DPP10: variants seen among roughly 807,000 people sequenced by gnomAD.
The protein encoded by DPP10 is dipeptidyl peptidase like 10.
DPP10 carries 33 observed loss-of-function variants against 120.9 expected under a neutral mutation model. The observed-to-expected ratio is 0.27, with a 90% CI of 0.21 to 0.37. The LOEUF (loss-of-function observed/expected upper bound fraction) is 0.37, where lower values mean the gene tolerates loss of function less well. DPP10 is among the 10% of genes least tolerant of loss of function. The probability of loss-of-function intolerance (pLI) is 1.00; values close to 1 mark genes in which losing one functional copy is unlikely to be tolerated. For synonymous variants in DPP10, 337 were observed against 326.1 expected, an observed-to-expected ratio of 1.03 and a Z score of -0.36; for missense variants, 816 against 942.8, an observed-to-expected ratio of 0.87 and a Z score of 1.76.
chr2:115,762,065 C>T lies in DPP10; in HGVS notation c.1075-507C>T, dbSNP rs368332688. ...GTTTTGAAGGGACACATAATTTTGT[C>T]ATTTCAAATGTTTGATATTTTTTCT... On this transcript the variant is annotated intron_variant, in intron 11 of 25. Transcript: ENST00000410059. Among the ~76,000 whole-genome samples the T allele has an allele frequency of 2.1e-4, 32 of 152,172 alleles. No homozygotes were observed. In the South Asian group the frequency reaches 6.6e-3, roughly 32 times the overall value.
intron 1 of DPP10, among the ~76,000 whole-genome samples, chr2:115,063,614 A>C (rs780711343): frequency 1.3e-5 from 2 of 152,212 alleles, no homozygotes; most frequent in Non-Finnish European, 2.9e-5. Flanking sequence ...ATAAGATTGC[A>C]TGTCTATAAC....
chr2:114,701,947 T>A (rs1172621495), intron 1 of DPP10, among the ~76,000 whole-genome samples: 1 of 152,140 alleles, frequency 6.6e-6, no homozygotes, highest in East Asian at 1.9e-4. Context: ...TAGAAGGTGA[T>A]TAATTCTCTA....
intron 5 of DPP10, among the ~76,000 whole-genome samples, chr2:115,555,441 A>G (rs1487054378): frequency 4.6e-5 from 7 of 152,144 alleles, no homozygotes; most frequent in Admixed American, 4.6e-4. Context: ...GAAAATGACT[A>G]GGAAATATAT....
rs1351928520 is a variant in DPP10 at position 115,845,686 on chromosome 2, A to C, written c.*3341A>C. The C allele has an allele frequency of 1.3e-5, 2 of 152,182 alleles. No individual in the cohort carries two copies. The highest frequency in any genetic ancestry group is 4.8e-5 in the African/African-American group (2 of 41,452). 9.4% of individuals were successfully genotyped at this position (152,182 alleles called of 1,614,324 possible). On this transcript the variant is annotated 3_prime_UTR_variant, in exon 26 of 26. Transcript: ENST00000410059. ...CTGGAAACTATTTTTCCCCTCCACA[A>C]GAAATTATCACTGTGAATATTACAG...
At chr2:115,255,834 TCTAGAAA>T (rs2058961219) in intron 1 of DPP10, among the ~76,000 whole-genome samples, 1 of 152,192 alleles carries the variant, frequency 6.6e-6, no homozygotes, top group Non-Finnish European at 1.5e-5. Context: ...TCAACAAGTC[TCTAGAAA>T]GTTCCAAACC....
At chr2:114,962,140 G>GT (rs1489251363) in intron 1 of DPP10, among the ~76,000 whole-genome samples, 1 of 151,738 alleles carries the variant, frequency 6.6e-6, no homozygotes, top group Non-Finnish European at 1.5e-5. Flanking sequence ...CTTCATCATC[G>GT]TAAGTATGTG....
At chr2:115,595,197 C>A (rs539506669) in intron 5 of DPP10, among the ~76,000 whole-genome samples, 2 of 152,128 alleles carry the variant, frequency 1.3e-5, no homozygotes, top group South Asian at 4.1e-4. Flanking sequence ...GTTTCTTAAA[C>A]AATAAGGCAT....
At chr2:114,473,097 AT>A (rs1041037916) in intron 1 of DPP10, among the ~76,000 whole-genome samples, 6 of 151,886 alleles carry the variant, frequency 4.0e-5, no homozygotes, top group African/African-American at 9.7e-5. Flanking sequence ...GCTTATTATC[AT>A]TTTTTTTCTC....
chr2:115,378,755 G>C (rs2066025038), intron 3 of DPP10, among the ~76,000 whole-genome samples: 1 of 152,114 alleles, frequency 6.6e-6, no homozygotes. Flanking sequence ...GAGATTTTTA[G>C]CATGAAGCGT....
intron 1 of DPP10, among the ~76,000 whole-genome samples, chr2:114,665,861 G>A (rs1697884396): frequency 6.6e-6 from 1 of 152,146 alleles, no homozygotes; most frequent in Non-Finnish European, 1.5e-5. Context: ...AGGAAAACAA[G>A]GTCTGGGATG....
intron 5 of DPP10, among the ~76,000 whole-genome samples, chr2:115,597,516 A>G (rs1013177538): frequency 2.7e-5 from 4 of 150,096 alleles, no homozygotes; most frequent in African/African-American, 4.9e-5. Context: ...GAAAAAACAT[A>G]AAGGTCATAT....
intron 1 of DPP10, among the ~76,000 whole-genome samples, chr2:114,537,470 A>T (rs932354570): frequency 6.6e-5 from 10 of 152,190 alleles, no homozygotes; most frequent in African/African-American, 2.4e-4. Context: ...TTCCCTTCAC[A>T]GCCACACCAC....
At chr2:114,897,005 T>C (rs1473795786) in intron 1 of DPP10, among the ~76,000 whole-genome samples, 2 of 152,228 alleles carry the variant, frequency 1.3e-5, no homozygotes, top group Non-Finnish European at 2.9e-5. Context: ...ATGTGGTTTT[T>C]GTCTTTGGCT....
In DPP10 at chr2:115,288,117, C is replaced by G. The variant is rs968881228; in HGVS notation, c.61-21122C>G. Among the ~76,000 whole-genome samples the G allele has an allele frequency of 3.9e-5, 6 of 152,192 alleles. No individual in the cohort carries two copies. The East Asian group carries it at 9.7e-4, about 25-fold the overall frequency. ...CATACTGTTTTCTATAGATGTTTCACTAACTTATATTTCCACCAGCAGTAG... is the reference window on the plus strand; with the variant it reads ...CATACTGTTTTCTATAGATGTTTCAGTAACTTATATTTCCACCAGCAGTAG... On this transcript the variant is annotated intron_variant, in intron 1 of 25. Coordinates refer to ENST00000410059, the MANE Select transcript of DPP10 (RefSeq NM_020868.6).
intron 1 of DPP10, among the ~76,000 whole-genome samples, chr2:114,830,748 C>G (rs12615843): frequency 1.3e-5 from 2 of 151,930 alleles, no homozygotes; most frequent in Non-Finnish European, 2.9e-5. Context: ...TACATAGTTT[C>G]TTTATCAGGC....
At chr2:115,817,117 G>A (rs888282216) in intron 21 of DPP10, among the ~76,000 whole-genome samples, 11 of 151,588 alleles carry the variant, frequency 7.3e-5, no homozygotes, top group South Asian at 2.1e-4. Flanking sequence ...GCGTGGTGGC[G>A]GGCGCCTGTA....
At chr2:115,764,061 A>T (rs1680422784) in intron 12 of DPP10, among the ~76,000 whole-genome samples, 1 of 152,032 alleles carries the variant, frequency 6.6e-6, no homozygotes, top group Non-Finnish European at 1.5e-5. Flanking sequence ...ACCAAATCAC[A>T]TCTCCCAATA....
intron 1 of DPP10, among the ~76,000 whole-genome samples, chr2:115,035,044 C>T (rs1351352278): frequency 6.6e-6 from 1 of 152,222 alleles, no homozygotes; most frequent in Non-Finnish European, 1.5e-5. Context: ...CCAGTCATGC[C>T]ACTTGGCATT....
intron 3 of DPP10, among the ~76,000 whole-genome samples, chr2:115,389,544 G>A (rs1413238492): frequency 6.6e-6 from 1 of 152,278 alleles, no homozygotes; most frequent in East Asian, 1.9e-4. Context: ...AGTAACCGAT[G>A]TAATGAACTA....
Sources: gnomAD v4.1 joint callset for allele counts (sites outside exome capture counted in the v4.1 genomes callset) on GRCh38, gnomAD v4.1.1 for gene constraint, MANE v1.5 for transcripts, NCBI Gene and HGNC (gene_info 2026-07-23, HGNC 2026-07-21) for gene names.